The following SMYD3 variants were observed in gnomAD, a reference collection of about 807,000 sequenced individuals.
SMYD3 encodes histone-lysine N-methyltransferase SMYD3.
In SMYD3, 36 loss-of-function variants were observed where a neutral mutation model predicts 57.7. The ratio of observed to expected loss-of-function variants is 0.62; its 90% CI spans 0.48 to 0.82. The LOEUF (loss-of-function observed/expected upper bound fraction) is 0.82, where lower values mean the gene tolerates loss of function less well. Ranked by LOEUF, SMYD3 falls within the 40% of genes least tolerant of loss-of-function variation. The pLI is 0.00. For missense variants in SMYD3, 515 were observed against 538.8 expected (o/e 0.96, Z 0.44); for synonymous variants, 211 against 195.0 (o/e 1.08, Z -0.68).
At chr1:245,968,193 C>T (rs965738357) in intron 5 of SMYD3, among the ~76,000 whole-genome samples, 3 of 151,364 alleles carry the variant, frequency 2.0e-5, no homozygotes, top group African/African-American at 7.3e-5. Flanking sequence ...CAGATCTGAG[C>T]ACTTTAATCC....
intron 5 of SMYD3, among the ~76,000 whole-genome samples, chr1:246,135,395 T>A (rs1471821490): frequency 6.6e-6 from 1 of 152,144 alleles, no homozygotes; most frequent in Non-Finnish European, 1.5e-5. Context: ...GTGCACAGCT[T>A]AAGTATGTTC....
chr1:245,764,325 T>A (rs1171058954), intron 10 of SMYD3, among the ~76,000 whole-genome samples, 176 bp from the exon 11 acceptor site: 1 of 151,972 alleles, frequency 6.6e-6, no homozygotes, highest in Non-Finnish European at 1.5e-5. Context: ...GACACAGGAC[T>A]GGTCTCCAGC....
intron 5 of SMYD3, among the ~76,000 whole-genome samples, chr1:246,235,062 G>T (rs58551401): frequency 0.21 from 31,491 of 151,990 alleles, 3,958 homozygotes; most frequent in East Asian, 0.58. Flanking sequence ...AGGTTCCTAT[G>T]CTCCTAGTAT....
intron 8 of SMYD3, among the ~76,000 whole-genome samples, chr1:245,877,717 C>A (rs188778494): frequency 6.6e-6 from 1 of 152,300 alleles, no homozygotes; most frequent in Non-Finnish European, 1.5e-5. Context: ...ATGGCGAAGC[C>A]TTCCGGTGAG....
chr1:245,968,100 T>G (rs2058201043), intron 5 of SMYD3, among the ~76,000 whole-genome samples: 1 of 152,100 alleles, frequency 6.6e-6, no homozygotes, highest in Admixed American at 6.5e-5. Flanking sequence ...CGCTGACAGT[T>G]TATATAGATA....
At chr1:246,441,811 C>G (rs2067475673) in intron 1 of SMYD3, among the ~76,000 whole-genome samples, 1 of 152,232 alleles carries the variant, frequency 6.6e-6, no homozygotes, top group Non-Finnish European at 1.5e-5. Flanking sequence ...GAGGTTTCAC[C>G]ATGCTGGCCA....
chr1:245,795,846 A>C (rs2047499574), intron 10 of SMYD3, among the ~76,000 whole-genome samples: 1 of 152,316 alleles, frequency 6.6e-6, no homozygotes, highest in African/African-American at 2.4e-5. Flanking sequence ...ATTTCAGCTT[A>C]AATACAGTCT....
chr1:246,187,182 G>A (rs188680566), intron 5 of SMYD3, among the ~76,000 whole-genome samples: 5 of 152,142 alleles, frequency 3.3e-5, no homozygotes, highest in South Asian at 2.1e-4. Context: ...CCAGCTACTC[G>A]GGAGGCTGAG....
Position 245,915,512 on chromosome 1 carries a change from T to A in SMYD3, c.813+18A>T, listed in dbSNP as rs1429752956. 6.4e-7 allele frequency: 1 copy of A among 1,551,724 alleles called. No individual in the cohort carries two copies. Among genetic ancestry groups the A allele is most frequent in the Non-Finnish European group, 8.9e-7 (1 of 1,126,052 alleles). ...ATTTTGCCGTGGAGGTGTTTCAATC[T>A]GGTTCCATACTACATACCTTGTCCT... On this transcript the variant is annotated intron_variant, in intron 8 of 11. Transcript: ENST00000490107.
intron 5 of SMYD3, among the ~76,000 whole-genome samples, chr1:245,936,871 G>C (rs957046806): frequency 6.6e-6 from 1 of 152,104 alleles, no homozygotes; most frequent in African/African-American, 2.4e-5. Context: ...AAATGTTGTG[G>C]TAATAATGTT....
intron 1 of SMYD3, among the ~76,000 whole-genome samples, chr1:246,479,502 ATTTTTT>A (rs35818746): frequency 3.3e-4 from 35 of 107,602 alleles, no homozygotes; most frequent in Admixed American, 1.1e-3. Context: ...AAAAAGCGGG[ATTTTTT>A]TTTTTTTTTT....
chr1:246,211,865 T>C (rs887595514), intron 5 of SMYD3, among the ~76,000 whole-genome samples: 2 of 151,724 alleles, frequency 1.3e-5, no homozygotes, highest in African/African-American at 2.4e-5. Context: ...AAAAATTCTA[T>C]GGGTAGCATA....
rs544459532 is a variant in SMYD3 at position 246,161,512 on chromosome 1, T to C, written c.531+165689A>G. The stretch of plus-strand genomic sequence containing the variant: ...CTCTGGCCTCCACCTTTGATTTCGA[T>C]GGTCTCCTTCATGTTCCCCAGCCCC... On this transcript the variant is annotated intron_variant, in intron 5 of 11. Coordinates refer to ENST00000490107, the MANE Select transcript of SMYD3 (RefSeq NM_001167740.2). 4.6e-5 allele frequency among the ~76,000 whole-genome samples: 7 copies of C among 152,338 alleles called. No homozygotes were observed. The South Asian group carries it at 6.2e-4, about 14-fold the overall frequency.
intron 5 of SMYD3, among the ~76,000 whole-genome samples, chr1:245,941,340 A>G (rs1443929255): frequency 1.3e-5 from 2 of 152,140 alleles, no homozygotes; most frequent in Non-Finnish European, 2.9e-5. Flanking sequence ...CTCCATGAGA[A>G]GATCAACCCC....
chr1:246,032,389 C>T (rs562788878), intron 5 of SMYD3, among the ~76,000 whole-genome samples: 9 of 152,228 alleles, frequency 5.9e-5, no homozygotes, highest in African/African-American at 1.4e-4. Flanking sequence ...ACATATTTGC[C>T]GCTAACACAC....
At chr1:245,883,518 A>AC (rs1463087800) in intron 8 of SMYD3, among the ~76,000 whole-genome samples, 1 of 152,178 alleles carries the variant, frequency 6.6e-6, no homozygotes, top group African/African-American at 2.4e-5. Context: ...GGGGAAAAAA[A>AC]CCCCAAAACA....
intron 5 of SMYD3, among the ~76,000 whole-genome samples, chr1:246,049,290 T>TG (rs549854818): frequency 6.6e-6 from 1 of 151,936 alleles, no homozygotes; most frequent in Admixed American, 6.6e-5. Flanking sequence ...TATGTGTTTT[T>TG]TTTGTTTGTT....
At chr1:246,106,752 T>C (rs1395760783) in intron 5 of SMYD3, among the ~76,000 whole-genome samples, 1 of 152,154 alleles carries the variant, frequency 6.6e-6, no homozygotes, top group Non-Finnish European at 1.5e-5. Context: ...TATCAGCATC[T>C]GGAAGCCCTC....
chr1:246,066,245 C>T (rs1295513138), intron 5 of SMYD3, among the ~76,000 whole-genome samples: 1 of 152,154 alleles, frequency 6.6e-6, no homozygotes, highest in African/African-American at 2.4e-5. Context: ...AGTACGAACA[C>T]AGTCATTCAA....
Sources: allele counts gnomAD v4.1 joint callset (sites outside exome capture counted in the v4.1 genomes callset), GRCh38; gene constraint gnomAD v4.1.1; transcripts MANE v1.5; gene names NCBI Gene and HGNC (gene_info 2026-07-23, HGNC 2026-07-21).